Variants in HMGB1 observed in about 807,000 individuals in gnomAD.
The protein encoded by HMGB1 is high mobility group protein B1.
For missense variants in HMGB1, 79 were observed against 253.5 expected (o/e 0.31, Z 4.67); for synonymous variants, 81 against 84.0 (o/e 0.96, Z 0.19).
At chr13:30,610,769 T>C (rs1217750209) in intron 1 of HMGB1, among the ~76,000 whole-genome samples, 1 of 151,272 alleles carries the variant, frequency 6.6e-6, no homozygotes, top group Non-Finnish European at 1.5e-5. Flanking sequence ...AAAAGGTCTA[T>C]ATTGCTTAGC....
intron 1 of HMGB1, chr13:30,554,040 G>A (rs2137516240): frequency 1.4e-6 from 2 of 1,436,994 alleles, no homozygotes; most frequent in Non-Finnish European, 2.0e-6. Flanking sequence ...GGTTAAATGT[G>A]CGCAGTACTG....
intron 1 of HMGB1, among the ~76,000 whole-genome samples, chr13:30,479,450 C>T (rs1438083453): frequency 2.0e-5 from 3 of 152,210 alleles, no homozygotes; most frequent in African/African-American, 7.2e-5. Context: ...CTGCAGAATT[C>T]CCACACTGGC....
chr13:30,465,631 C>T (rs971404976), intron 1 of HMGB1, among the ~76,000 whole-genome samples, 165 bp downstream of exon 1: 2 of 151,278 alleles, frequency 1.3e-5, no homozygotes, highest in Admixed American at 6.6e-5. Flanking sequence ...GTTCCCGGCG[C>T]CCGGGCAGAG....
intron 1 of HMGB1, among the ~76,000 whole-genome samples, chr13:30,567,240 C>T (rs1053480745): frequency 2.0e-5 from 3 of 152,062 alleles, no homozygotes; most frequent in Non-Finnish European, 4.4e-5. Flanking sequence ...TTTTTCAGCC[C>T]CTGTAGTCAA....
At chr13:30,610,967 T>C (rs113713929) in intron 1 of HMGB1, among the ~76,000 whole-genome samples, 3 of 152,340 alleles carry the variant, frequency 2.0e-5, no homozygotes, top group African/African-American at 7.2e-5. Flanking sequence ...GTATCTTAAC[T>C]GATACATTTA....
chr13:30,503,811 G>A (rs1215676161), intron 1 of HMGB1, among the ~76,000 whole-genome samples: 1 of 152,056 alleles, frequency 6.6e-6, no homozygotes, highest in Non-Finnish European at 1.5e-5. Context: ...CCAGCTACTG[G>A]AGAGGGAGGC....
intron 1 of HMGB1, among the ~76,000 whole-genome samples, chr13:30,523,758 T>C (rs2137477571): frequency 6.6e-6 from 1 of 151,420 alleles, no homozygotes; most frequent in Non-Finnish European, 1.5e-5. Flanking sequence ...TTTGTTTGTT[T>C]GAGATGGGGC....
intron 1 of HMGB1, among the ~76,000 whole-genome samples, chr13:30,560,088 G>C (rs1425520301): frequency 1.3e-5 from 2 of 152,100 alleles, no homozygotes; most frequent in African/African-American, 4.8e-5. Context: ...CTGTAGCAAT[G>C]AGGGTAGAGA....
At chr13:30,570,279 C>A (rs1870370920) in intron 1 of HMGB1, among the ~76,000 whole-genome samples, 1 of 152,182 alleles carries the variant, frequency 6.6e-6, no homozygotes, top group Non-Finnish European at 1.5e-5. Flanking sequence ...ATAGCGAGAC[C>A]TTTTCTCTAT....
At chr13:30,528,872 C>CA (rs1338600837) in intron 1 of HMGB1, among the ~76,000 whole-genome samples, 2 of 151,558 alleles carry the variant, frequency 1.3e-5, no homozygotes, top group African/African-American at 4.8e-5. Flanking sequence ...ACTAAAAACA[C>CA]AAAAAAATTA....
At chr13:30,604,391 C>T (rs927794674) in intron 1 of HMGB1, among the ~76,000 whole-genome samples, 7 of 152,096 alleles carry the variant, frequency 4.6e-5, no homozygotes, top group Non-Finnish European at 7.4e-5. Context: ...AATCCAATAT[C>T]CCCCCAAGGA....
In HMGB1 at chr13:30,582,985, T is replaced by G. The variant is rs116478434; in HGVS notation, c.-15+33686A>C. Among the ~76,000 whole-genome samples the G allele has an allele frequency of 4.2e-3, 643 of 152,276 alleles. 4 individuals carry two copies. Among genetic ancestry groups the G allele is most frequent in the African/African-American group, 0.013 (547 of 41,552 alleles). ...TTGTACTACTGTAGATGACTCTGAA[T>G]GAGTCTTCTTGCTTCCATTCCACAC... On this transcript the variant is annotated intron_variant, in intron 1 of 4. Coordinates refer to the HMGB1 transcript ENST00000405805.
chr13:30,464,484 T>C (rs1886585260), intron 1 of HMGB1: 6 of 984,798 alleles, frequency 6.1e-6, no homozygotes, highest in Non-Finnish European at 7.2e-6. Flanking sequence ...CCCCCGCCCC[T>C]AGAACTTCGC....
At chr13:30,583,528 CAAAAAAAAAAAA>C (rs35519297) in intron 1 of HMGB1, among the ~76,000 whole-genome samples, 5 of 66,964 alleles carry the variant, frequency 7.5e-5, no homozygotes, top group East Asian at 5.0e-4. Context: ...ACCTGGTCTC[CAAAAAAAAAAAA>C]AAAAAAAAAA....
intron 1 of HMGB1, among the ~76,000 whole-genome samples, chr13:30,543,825 T>C (rs1414943479): frequency 6.6e-6 from 1 of 152,252 alleles, no homozygotes; most frequent in Non-Finnish European, 1.5e-5. Context: ...CAAACAGGAA[T>C]GCCCAAAACT....
At chr13:30,557,331 G>A (rs918449182) in intron 1 of HMGB1, among the ~76,000 whole-genome samples, 1 of 152,158 alleles carries the variant, frequency 6.6e-6, no homozygotes, top group African/African-American at 2.4e-5. Flanking sequence ...AACCCTAAAA[G>A]TAATCAATGT....
intron 1 of HMGB1, chr13:30,540,934 G>C (rs1282482499): frequency 6.5e-6 from 1 of 152,830 alleles, no homozygotes; most frequent in East Asian, 1.9e-4. Context: ...TGAAACACTG[G>C]GAATGGCCTG....
Position 30,606,242 on chromosome 13 carries a change from T to C in HMGB1, c.-15+10429A>G, listed in dbSNP as rs528991962. ...AATACATTTATTACTCTTGGCACAATAGTCTAACATTTCCCAATTTCCTTA... is the reference window on the plus strand; with the variant it reads ...AATACATTTATTACTCTTGGCACAACAGTCTAACATTTCCCAATTTCCTTA... On this transcript the variant is annotated intron_variant, in intron 1 of 4. Transcript: ENST00000405805. 1.1e-4 allele frequency among the ~76,000 whole-genome samples: 16 copies of C among 152,184 alleles called. No homozygotes were observed. The South Asian group carries it at 1.7e-3, about 16-fold the overall frequency.
At chr13:30,550,479 C>T (rs750872151) in intron 1 of HMGB1, among the ~76,000 whole-genome samples, 1 of 152,232 alleles carries the variant, frequency 6.6e-6, no homozygotes, top group Non-Finnish European at 1.5e-5. Flanking sequence ...GGCTCTTAGA[C>T]ATAGAATCTA....
Sources: allele counts gnomAD v4.1 joint callset (sites outside exome capture counted in the v4.1 genomes callset), GRCh38; gene constraint gnomAD v4.1.1; transcripts MANE v1.5; gene names NCBI Gene and HGNC (gene_info 2026-07-23, HGNC 2026-07-21).